Variants in GCNT1 observed in about 807,000 individuals in gnomAD.
The protein encoded by GCNT1 is glucosaminyl (N-acetyl) transferase 1.
In GCNT1, 16 loss-of-function variants were observed where a neutral mutation model predicts 26.2. The observed-to-expected ratio is 0.61, with a 90% CI of 0.41 to 0.93. GCNT1 has a LOEUF of 0.93. Among genes scored for constraint, GCNT1 ranks in the 40% least tolerant of loss-of-function variants. The probability of loss-of-function intolerance (pLI) is 0.00; values close to 1 mark genes in which losing one functional copy is unlikely to be tolerated. For missense variants in GCNT1, 477 were observed against 526.7 expected, an observed-to-expected ratio of 0.91 and a Z score of 0.92; for synonymous variants, 183 against 190.8, an observed-to-expected ratio of 0.96 and a Z score of 0.34.
intron 1 of GCNT1, among the ~76,000 whole-genome samples, chr9:76,424,949 C>T (rs1823241237): frequency 6.6e-6 from 1 of 151,936 alleles, no homozygotes; most frequent in Non-Finnish European, 1.5e-5. Flanking sequence ...ACCATCCTGG[C>T]TAACACAGTG....
intron 3 of GCNT1, among the ~76,000 whole-genome samples, chr9:76,501,499 A>G (rs1011532405): frequency 1.3e-5 from 2 of 152,176 alleles, no homozygotes; most frequent in African/African-American, 4.8e-5. Flanking sequence ...CGCAAGCTGT[A>G]TCTCTCTTTT....
intron 2 of GCNT1, among the ~76,000 whole-genome samples, chr9:76,465,074 C>T (rs1199821105): frequency 2.6e-5 from 4 of 152,102 alleles, no homozygotes; most frequent in Non-Finnish European, 5.9e-5. Context: ...CATCAAACTC[C>T]TGGGCTCAAG....
upstream of GCNT1, among the ~76,000 whole-genome samples, chr9:76,436,704 C>T (rs1349406713): frequency 4.0e-5 from 6 of 151,838 alleles, no homozygotes; most frequent in Admixed American, 6.6e-5. Flanking sequence ...TACTATTTTC[C>T]AGTCACAAGC....
In GCNT1 at chr9:76,505,335, GT is replaced by G. The variant is rs1825209925; in HGVS notation, c.*1672del. On this transcript the variant is annotated 3_prime_UTR_variant, in exon 4 of 4. Transcript: ENST00000376730. ...AATGTGGAAGTTGGTGGATTGCTGTGTTTTTGCATGATTAGCATGGGAGTCT... is the reference window on the plus strand; with the variant it reads ...AATGTGGAAGTTGGTGGATTGCTGTGTTTTGCATGATTAGCATGGGAGTCT... 5.8e-6 allele frequency: 1 copy of G among 171,672 alleles called. No individual in the cohort carries two copies. The highest frequency in any genetic ancestry group is 1.4e-5 in the Non-Finnish European group (1 of 71,426). 10.6% of individuals were successfully genotyped at this position (171,672 alleles called of 1,614,324 possible). A position where few individuals can be genotyped will look rare whatever the true frequency, so the allele number is the denominator to read the frequency against.
At chr9:76,473,574 T>C (rs1012530832) in intron 2 of GCNT1, among the ~76,000 whole-genome samples, 1 of 152,236 alleles carries the variant, frequency 6.6e-6, no homozygotes, top group African/African-American at 2.4e-5. Context: ...TTAGCTCACT[T>C]ACTCTTTATA....
the GCNT1 span, among the ~76,000 whole-genome samples, chr9:76,407,414 A>G: frequency 5.9e-5 from 9 of 151,892 alleles, no homozygotes; most frequent in Admixed American, 2.0e-4. Context: ...ACATAAATTC[A>G]CTATATTTAT....
At chr9:76,457,907 G>A (rs1313789395), upstream of GCNT1, among the ~76,000 whole-genome samples, 1 of 152,040 alleles carries the variant, frequency 6.6e-6, no homozygotes, top group Non-Finnish European at 1.5e-5. Context: ...CAATGAAGAG[G>A]ATACACAAGC....
At chr9:76,414,468 A>G in the GCNT1 span, among the ~76,000 whole-genome samples, 1 of 152,222 alleles carries the variant, frequency 6.6e-6, no homozygotes, top group Non-Finnish European at 1.5e-5. Context: ...AAGCAAGTTT[A>G]TAGAGAAGTA....
At chr9:76,408,201 C>A in the GCNT1 span, among the ~76,000 whole-genome samples, 1 of 152,180 alleles carries the variant, frequency 6.6e-6, no homozygotes, top group Admixed American at 6.5e-5. Flanking sequence ...AAATCTTTGA[C>A]CTGCTCCTGC....
chr9:76,402,032 C>T, the GCNT1 span, among the ~76,000 whole-genome samples: 407 of 152,330 alleles, frequency 2.7e-3, 1 homozygote, highest in African/African-American at 9.4e-3. Flanking sequence ...AGCTTATTAA[C>T]GTAGATTCCT....
chr9:76,449,482 T>A (rs1823630408), intron 1 of GCNT1, among the ~76,000 whole-genome samples: 1 of 152,228 alleles, frequency 6.6e-6, no homozygotes, highest in Non-Finnish European at 1.5e-5. Context: ...AACGTTTGCC[T>A]AATTTCCCTT....
At chr9:76,476,810 A>G (rs1488356775) in intron 2 of GCNT1, among the ~76,000 whole-genome samples, 1 of 152,192 alleles carries the variant, frequency 6.6e-6, no homozygotes, top group Non-Finnish European at 1.5e-5. Context: ...TCATGACACT[A>G]AACTCAAAAA....
At chr9:76,475,386 C>T (rs879625936) in intron 2 of GCNT1, among the ~76,000 whole-genome samples, 10 of 152,044 alleles carry the variant, frequency 6.6e-5, no homozygotes, top group Admixed American at 6.6e-4. Context: ...CATTCATATT[C>T]GCAGGAAGAT....
upstream of GCNT1, among the ~76,000 whole-genome samples, chr9:76,417,432 C>T (rs192979808): frequency 2.6e-5 from 4 of 152,154 alleles, no homozygotes; most frequent in Non-Finnish European, 5.9e-5. Flanking sequence ...GATGGATGAA[C>T]AGAACAAGAA....
intron 2 of GCNT1, among the ~76,000 whole-genome samples, chr9:76,480,030 T>C (rs1824376568): frequency 6.6e-6 from 1 of 152,202 alleles, no homozygotes; most frequent in Admixed American, 6.5e-5. Flanking sequence ...TTAATTTTTG[T>C]ATAAGGTGTA....
chr9:76,429,314 G>A (rs916848063), intron 1 of GCNT1, among the ~76,000 whole-genome samples: 14 of 152,004 alleles, frequency 9.2e-5, no homozygotes, highest in African/African-American at 3.4e-4. Flanking sequence ...TTTTCTCCAA[G>A]GTGTATATTT....
At chr9:76,456,807 TACAAAAA>T (rs1823764529), upstream of GCNT1, among the ~76,000 whole-genome samples, 1 of 152,068 alleles carries the variant, frequency 6.6e-6, no homozygotes, top group African/African-American at 2.4e-5. Flanking sequence ...ACCCTATCTC[TACAAAAA>T]ATACCAAAAA....
chr9:76,440,159 A>G (rs370425248), upstream of GCNT1, among the ~76,000 whole-genome samples: 23 of 152,000 alleles, frequency 1.5e-4, no homozygotes, highest in East Asian at 5.8e-4. Context: ...GAGGTATCTC[A>G]TGTCCCAAAT....
chr9:76,501,361 A>G (rs1211460856), intron 3 of GCNT1, among the ~76,000 whole-genome samples: 5 of 152,338 alleles, frequency 3.3e-5, no homozygotes, highest in African/African-American at 1.2e-4. Context: ...AGCATTTCAT[A>G]TAGTAAAAGT....
Sources: allele counts gnomAD v4.1 joint callset (sites outside exome capture counted in the v4.1 genomes callset), GRCh38; gene constraint gnomAD v4.1.1; transcripts MANE v1.5; gene names NCBI Gene and HGNC (gene_info 2026-07-23, HGNC 2026-07-21).